Variants in ZFP64 observed in about 807,000 individuals in gnomAD.
ZFP64 encodes the protein ZFP64 zinc finger protein.
Under a neutral mutation model 51.6 loss-of-function variants are expected in ZFP64, and 14 were observed. The observed-to-expected ratio is 0.27, with a 90% CI of 0.18 to 0.42. ZFP64 has a LOEUF of 0.42. ZFP64 is among the 10% of genes least tolerant of loss of function. The probability of loss-of-function intolerance (pLI) is 1.00; values close to 1 mark genes in which losing one functional copy is unlikely to be tolerated. For synonymous variants in ZFP64, 375 were observed against 361.4 expected, an observed-to-expected ratio of 1.04 and a Z score of -0.43; for missense variants, 754 against 906.8, an observed-to-expected ratio of 0.83 and a Z score of 2.16.
intron 5 of ZFP64, among the ~76,000 whole-genome samples, chr20:52,116,939 G>A (rs1001118124): frequency 4.0e-5 from 6 of 151,818 alleles, no homozygotes; most frequent in Admixed American, 3.9e-4. Context: ...GCATGGTGGT[G>A]CAGGCTGGTA....
At chr20:52,109,780 C>CAAAAAAAAAAAAA (rs779914417) in intron 5 of ZFP64, among the ~76,000 whole-genome samples, 3 of 46,122 alleles carry the variant, frequency 6.5e-5, no homozygotes, top group Non-Finnish European at 9.1e-5. Flanking sequence ...AATTCCACCT[C>CAAAAAAAAAAAAA]AAAAAAAAAA....
Position 52,165,987 on chromosome 20 carries a change from T to C in ZFP64, c.325A>G (p.Thr109Ala), listed in dbSNP as rs1278385421. ...TCATTACTTTCCGTGGGCAGGTAAGTTTGATAGCCATGTTCAAAAACAAAT... is the reference window on the plus strand; with the variant it reads ...TCATTACTTTCCGTGGGCAGGTAAGCTTGATAGCCATGTTCAAAAACAAAT... ...PEFVFEHGYQ[T>A]YLPTESNENQ... is the part of the protein sequence containing the mutation. The change falls in exon 3 of 6, where the codon ACT becomes GCT. Residue 109 changes from threonine to alanine, a missense_variant. Physicochemically the swap from Thr to Ala is moderately conservative, Grantham distance 58. Coordinates refer to ENST00000216923, the MANE Select transcript of ZFP64 (RefSeq NM_018197.3). 2 of 1,612,116 alleles carry C rather than the reference T, an allele frequency of 1.2e-6. No individual in the cohort carries two copies. Among genetic ancestry groups the C allele is most frequent in the Non-Finnish European group, 1.7e-6 (2 of 1,179,620 alleles).
At chr20:52,165,716 C>T in intron 3 of ZFP64, 148 bp downstream of exon 3, 2 of 1,035,168 alleles carry the variant, frequency 1.9e-6, no homozygotes, top group Non-Finnish European at 2.9e-6. Flanking sequence ...GTTGTATGTG[C>T]TGATGTAAAT....
intron 2 of ZFP64, among the ~76,000 whole-genome samples, chr20:52,177,259 T>C (rs1568701327): frequency 6.6e-6 from 1 of 152,160 alleles, no homozygotes; most frequent in Non-Finnish European, 1.5e-5. Context: ...CCAGGTAATT[T>C]TTTGCACAGC....
intron 7 of ZFP64, among the ~76,000 whole-genome samples, chr20:52,093,982 ATTAGAT>A (rs937133264): frequency 6.6e-6 from 1 of 152,202 alleles, no homozygotes; most frequent in Non-Finnish European, 1.5e-5. Flanking sequence ...GATATATCTT[ATTAGAT>A]TTAAAGACAT....
At chr20:52,163,788 T>TC (rs1193617967) in intron 4 of ZFP64, among the ~76,000 whole-genome samples, 1 of 151,798 alleles carries the variant, frequency 6.6e-6, no homozygotes, top group Non-Finnish European at 1.5e-5. Context: ...ATATAACACT[T>TC]GTTAAAAAAA....
intron 5 of ZFP64, among the ~76,000 whole-genome samples, chr20:52,127,308 A>T (rs1401444557): frequency 1.4e-5 from 2 of 144,602 alleles, no homozygotes; most frequent in Non-Finnish European, 3.1e-5. Flanking sequence ...TAAAGGGAAG[A>T]TTTTTTTTTT....
intron 5 of ZFP64, among the ~76,000 whole-genome samples, chr20:52,103,488 C>T (rs1889818199): frequency 6.6e-6 from 1 of 152,168 alleles, no homozygotes; most frequent in Non-Finnish European, 1.5e-5. Context: ...GTCCTGCTCC[C>T]ACAGAAGTCA....
chr20:52,162,376 C>T (rs998725896), intron 4 of ZFP64, among the ~76,000 whole-genome samples: 3 of 151,770 alleles, frequency 2.0e-5, no homozygotes, highest in Non-Finnish European at 4.4e-5. Flanking sequence ...TCTGTAATCC[C>T]AGCACTTTGG....
chr20:52,093,152 T>C (rs142021428), intron 7 of ZFP64, among the ~76,000 whole-genome samples: 4 of 152,088 alleles, frequency 2.6e-5, no homozygotes, highest in Non-Finnish European at 5.9e-5. Context: ...AATTTTTTTT[T>C]TTTTAATAGA....
At chr20:52,165,621 A>C (rs757595091) in intron 3 of ZFP64, 3 of 679,194 alleles carry the variant, frequency 4.4e-6, no homozygotes, top group Non-Finnish European at 8.0e-6. Context: ...GCAACCTGAA[A>C]TTTTCACGAG....
intron 5 of ZFP64, among the ~76,000 whole-genome samples, chr20:52,117,081 G>GCACACA (rs74600972): frequency 4.2e-4 from 63 of 150,796 alleles, no homozygotes; most frequent in African/African-American, 1.2e-3. Context: ...ACACACACAC[G>GCACACA]CACACACACA....
chr20:52,160,011 G>A lies in ZFP64; in HGVS notation c.763+112C>T. On this transcript the variant is annotated intron_variant, in intron 5 of 5. Transcript: ENST00000216923. The surrounding 1 kb of genome is among the most constrained non-coding windows in gnomAD (Gnocchi z 4.2). The stretch of plus-strand genomic sequence containing the variant: ...AAAACAAAACTGCAAACAACGGGAT[G>A]AGCAAAGGTTCCAACTCGATTTCTT... The A allele has an allele frequency of 2.6e-6, 4 of 1,537,426 alleles. No individual in the cohort carries two copies. Among genetic ancestry groups the A allele is most frequent in the Non-Finnish European group, 3.5e-6 (4 of 1,137,102 alleles).
At chr20:52,113,625 G>T (rs13042459) in intron 5 of ZFP64, among the ~76,000 whole-genome samples, 24,214 of 144,598 alleles carry the variant, frequency 0.17, 2,323 homozygotes, top group East Asian at 0.41. Flanking sequence ...TTTTAGGAGA[G>T]ACAGGGTTTT....
intron 5 of ZFP64, among the ~76,000 whole-genome samples, chr20:52,116,976 A>G (rs1408211833): frequency 6.6e-6 from 1 of 152,072 alleles, no homozygotes; most frequent in Admixed American, 6.6e-5. Flanking sequence ...AGGCTGAGGC[A>G]GAAGAATCTC....
chr20:52,105,196 G>C (rs780134582), intron 5 of ZFP64: 2 of 1,434,060 alleles, frequency 1.4e-6, no homozygotes, highest in Middle Eastern at 1.8e-4. Flanking sequence ...GCGGCTCCTC[G>C]GAGTTGAGGT....
chr20:52,135,714 A>C (rs6096787), intron 5 of ZFP64, among the ~76,000 whole-genome samples: 27,332 of 151,652 alleles, frequency 0.18, 2,587 homozygotes, highest in Non-Finnish European at 0.2. Context: ...GTCTCAAACT[A>C]CTGGGCTTAA....
intron 2 of ZFP64, among the ~76,000 whole-genome samples, chr20:52,185,195 C>T (rs1600821046): frequency 6.6e-6 from 1 of 151,526 alleles, no homozygotes; most frequent in African/African-American, 2.4e-5. Context: ...GGCTAGTTTT[C>T]GTATTTTTCA....
chr20:52,191,619 C>T lies in ZFP64; in HGVS notation c.18G>A (p.Glu6=). ...GCACCGAGCCCGCGAAGCTCTCGCC[C>T]TCGCTGCTCGCGTTCATGGCCGCAG... is the stretch of plus-strand genomic sequence containing the variant. MNASS[E]GESFAGSVQI... The change falls in exon 1 of 6, where the codon GAG becomes GAA. Residue 6 remains glutamate (E), a synonymous_variant. Coordinates refer to ENST00000216923, the MANE Select transcript of ZFP64 (RefSeq NM_018197.3). This position sits in a 1 kb window ranked among gnomAD's most constrained non-coding sequence, Gnocchi z 4.3. 1 of 1,589,248 alleles carries T rather than the reference C, an allele frequency of 6.3e-7. No homozygotes were observed. The highest frequency in any genetic ancestry group is 8.5e-7 in the Non-Finnish European group (1 of 1,170,582).
Sources: allele counts gnomAD v4.1 joint callset (sites outside exome capture counted in the v4.1 genomes callset), GRCh38; gene constraint gnomAD v4.1.1; non-coding constraint Gnocchi (gnomAD v3.1); transcripts MANE v1.5; gene names NCBI Gene and HGNC (gene_info 2026-07-23, HGNC 2026-07-21).